Variants in ARHGAP21 observed in about 807,000 individuals in gnomAD.
ARHGAP21 encodes the protein Rho GTPase activating protein 21, also known as rho GTPase-activating protein 21.
In ARHGAP21, 38 loss-of-function variants were observed where a neutral mutation model predicts 164.6. The observed-to-expected ratio is 0.23, with a 90% CI of 0.18 to 0.30. ARHGAP21 has a LOEUF of 0.30. Ranked by LOEUF, ARHGAP21 falls within the 10% of genes least tolerant of loss-of-function variation. ARHGAP21 has a pLI of 1.00. For missense variants in ARHGAP21, 1,822 were observed against 2,370.7 expected (o/e 0.77, Z 4.81); for synonymous variants, 766 against 857.9 (o/e 0.89, Z 1.87).
intron 4 of ARHGAP21, among the ~76,000 whole-genome samples, chr10:24,660,355 G>T (rs1235344941): frequency 7.3e-6 from 1 of 136,312 alleles, no homozygotes. Context: ...CTACACTCCA[G>T]CCTGGGCACA....
At chr10:24,637,990 G>A (rs972100358) in intron 4 of ARHGAP21, among the ~76,000 whole-genome samples, 6 of 151,336 alleles carry the variant, frequency 4.0e-5, no homozygotes, top group African/African-American at 9.7e-5. Flanking sequence ...TCAGCCTCCC[G>A]AGTAGCTGGG....
At position 24,585,891 on chromosome 10, in the gene ARHGAP21, G is replaced by A. The variant is rs1011776588; in HGVS notation, c.4398C>T (p.Gly1466=). The A allele has an allele frequency of 1.2e-6, 2 of 1,613,856 alleles. No homozygotes were observed. The highest frequency in any genetic ancestry group is 1.7e-6 in the Non-Finnish European group (2 of 1,179,916). ...TGGCAATGATGATCTTCTGTTTTCT[G>A]CCCAGTGTCTCACTTTCTTTTTTGG... The part of the protein sequence containing the change: ...EESKKESETL[G]RKQKIIIAKE... Residue 1466 remains glycine, a synonymous_variant, in exon 26 of 26, where the codon GGC becomes GGT. Coordinates refer to ENST00000396432, the MANE Select transcript of ARHGAP21 (RefSeq NM_020824.4).
intron 3 of ARHGAP21, among the ~76,000 whole-genome samples, chr10:24,668,239 T>A (rs1231687415): frequency 6.6e-6 from 1 of 152,338 alleles, no homozygotes; most frequent in African/African-American, 2.4e-5. Flanking sequence ...TGGAATAGCA[T>A]CATTTCATTC....
chr10:24,588,336 A>G (rs2076188815), intron 25 of ARHGAP21, among the ~76,000 whole-genome samples: 1 of 110,302 alleles, frequency 9.1e-6, no homozygotes, highest in South Asian at 3.0e-4. Context: ...GTGAATTTAC[A>G]ATTGATGAAT....
chr10:24,670,596 A>T (rs1432261944), intron 2 of ARHGAP21, among the ~76,000 whole-genome samples, 199 bp from the exon 3 acceptor site: 1 of 152,062 alleles, frequency 6.6e-6, no homozygotes, highest in Admixed American at 6.6e-5. Flanking sequence ...CAAAACCTAG[A>T]ATTTTTTTCT....
At chr10:24,635,572 A>T (rs1041031045) in intron 4 of ARHGAP21, among the ~76,000 whole-genome samples, 3 of 152,030 alleles carry the variant, frequency 2.0e-5, no homozygotes, top group Non-Finnish European at 4.4e-5. Context: ...TTTGAGATGG[A>T]GTCTCACTCT....
intron 7 of ARHGAP21, among the ~76,000 whole-genome samples, chr10:24,627,820 G>T (rs888641707): frequency 1.3e-5 from 2 of 152,088 alleles, no homozygotes; most frequent in Non-Finnish European, 2.9e-5. Flanking sequence ...ACATGAAGTG[G>T]TTTGCTGCTC....
rs754859486 is a variant in ARHGAP21 at position 24,635,070 on chromosome 10, G to T, written c.302C>A (p.Thr101Asn). Reference sequence around the variant, plus strand: ...TTCTTTAACTTGCTTAACAAATATGGTATCCATTGGTTCCAAGCGGTTTCT... The same window carrying T: ...TTCTTTAACTTGCTTAACAAATATGTTATCCATTGGTTCCAAGCGGTTTCT... The part of the protein sequence containing the change: ...KQRNRLEPMD[T>N]IFVKQVKEGG... Residue 101 changes from threonine (T) to asparagine (N), a missense_variant, in exon 5 of 26, where the codon ACC (threonine) becomes AAC (asparagine). This residue lies in a region of ARHGAP21 where 1,090 missense variants were observed against 1,378.9 expected (regional missense o/e 0.79). Coordinates refer to ENST00000396432, the MANE Select transcript of ARHGAP21 (RefSeq NM_020824.4). 1.2e-6 allele frequency: 2 copies of T among 1,602,694 alleles called. No individual in the cohort carries two copies. Among genetic ancestry groups the T allele is most frequent in the Non-Finnish European group, 1.7e-6 (2 of 1,175,334 alleles).
intron 6 of ARHGAP21, among the ~76,000 whole-genome samples, chr10:24,631,308 G>A (rs1835834839): frequency 6.6e-6 from 1 of 152,130 alleles, no homozygotes; most frequent in South Asian, 2.1e-4. Flanking sequence ...ACATTGCAGT[G>A]AGCTGAGATC....
chr10:24,615,592 C>T (rs1245996152), intron 9 of ARHGAP21, among the ~76,000 whole-genome samples: 1 of 152,100 alleles, frequency 6.6e-6, no homozygotes, highest in Non-Finnish European at 1.5e-5. Flanking sequence ...AAATTTGCAG[C>T]CAACAGGCAA....
At chr10:24,685,433 G>T (rs1349787720) in intron 2 of ARHGAP21, among the ~76,000 whole-genome samples, 1 of 152,144 alleles carries the variant, frequency 6.6e-6, no homozygotes, top group Non-Finnish European at 1.5e-5. Flanking sequence ...TTTTAAGCAT[G>T]TCTACCAAAA....
At chr10:24,697,350 G>A (rs1464331569) in intron 2 of ARHGAP21, among the ~76,000 whole-genome samples, 9 of 152,082 alleles carry the variant, frequency 5.9e-5, no homozygotes, top group Non-Finnish European at 1.5e-5. Context: ...GAAAAAGAAA[G>A]AGACAAAAAG....
intron 2 of ARHGAP21, among the ~76,000 whole-genome samples, chr10:24,671,818 G>A (rs1840729131): frequency 6.6e-6 from 1 of 151,092 alleles, no homozygotes; most frequent in Non-Finnish European, 1.5e-5. Flanking sequence ...GATCACAGGG[G>A]CTCAGGAGAT....
At chr10:24,615,821 C>CTGGA (rs1355616714) in intron 9 of ARHGAP21, among the ~76,000 whole-genome samples, 1 of 152,200 alleles carries the variant, frequency 6.6e-6, no homozygotes, top group Admixed American at 6.5e-5. Context: ...GTCGCCCAGG[C>CTGGA]TGGAGTGCAG....
intron 1 of ARHGAP21, 93 bp downstream of exon 1, chr10:24,723,469 G>A (rs1310860648): frequency 2.0e-5 from 3 of 147,168 alleles, no homozygotes; most frequent in African/African-American, 4.9e-5. Flanking sequence ...GGCCTGTGGC[G>A]GGAAGGGAGA....
chr10:24,615,064 C>A (rs982636892), intron 9 of ARHGAP21, among the ~76,000 whole-genome samples: 2 of 151,956 alleles, frequency 1.3e-5, no homozygotes, highest in African/African-American at 4.8e-5. Flanking sequence ...GTGGTGCACA[C>A]CTGTAATCCC....
chr10:24,660,476 C>T (rs2131665303), intron 4 of ARHGAP21, among the ~76,000 whole-genome samples: 1 of 149,270 alleles, frequency 6.7e-6, no homozygotes, highest in African/African-American at 2.5e-5. Flanking sequence ...TGTAACGCTG[C>T]TACATTTTGA....
At chr10:24,685,748 C>T (rs757976985) in intron 2 of ARHGAP21, among the ~76,000 whole-genome samples, 3 of 152,090 alleles carry the variant, frequency 2.0e-5, no homozygotes, top group Non-Finnish European at 4.4e-5. Context: ...TGGTGGCAGA[C>T]GCCAGTAATC....
At chr10:24,616,279 T>C (rs1316003947) in intron 9 of ARHGAP21, among the ~76,000 whole-genome samples, 2 of 152,238 alleles carry the variant, frequency 1.3e-5, no homozygotes. Context: ...AACAGACTAT[T>C]TGCTAAGACT....
Sources: gnomAD v4.1 joint callset for allele counts (sites outside exome capture counted in the v4.1 genomes callset) on GRCh38, gnomAD v4.1.1 for gene constraint, gnomAD v4.1.1 regional missense constraint, MANE v1.5 for transcripts, NCBI Gene and HGNC (gene_info 2026-07-23, HGNC 2026-07-21) for gene names.